Variants in TMEM117 observed in about 807,000 individuals in gnomAD.
TMEM117 encodes transmembrane protein 117.
TMEM117 carries 27 observed loss-of-function variants against 52.4 expected under a neutral mutation model. The ratio of observed to expected loss-of-function variants is 0.51; its 90% CI spans 0.38 to 0.71. The LOEUF is 0.71. Among genes scored for constraint, TMEM117 ranks in the 30% least tolerant of loss-of-function variants. The pLI is 0.00. For missense variants in TMEM117, 556 were observed against 630.5 expected (o/e 0.88, Z 1.26); for synonymous variants, 215 against 206.3 (o/e 1.04, Z -0.36).
chr12:44,052,719 C>A (rs754859965), intron 3 of TMEM117, among the ~76,000 whole-genome samples: 1 of 152,144 alleles, frequency 6.6e-6, no homozygotes, highest in Non-Finnish European at 1.5e-5. Flanking sequence ...GGAAATAGTC[C>A]CATGCCCTTT....
chr12:44,210,445 A>T (rs913502856), intron 4 of TMEM117, among the ~76,000 whole-genome samples: 1 of 152,276 alleles, frequency 6.6e-6, no homozygotes, highest in East Asian at 1.9e-4. Flanking sequence ...ATCTTTAAAA[A>T]CAGGCATTTA....
At chr12:44,364,899 T>A (rs1294811616) in intron 6 of TMEM117, among the ~76,000 whole-genome samples, 3 of 152,100 alleles carry the variant, frequency 2.0e-5, no homozygotes, top group Admixed American at 6.6e-5. Flanking sequence ...AAAAGCTGTG[T>A]CTTTTTAGCA....
Position 44,311,801 on chromosome 12 carries a change from ATATGTATATATGTATATATATGTAT to A in TMEM117, c.768+12063_768+12087del, listed in dbSNP as rs1950985069. 1.5e-4 allele frequency among the ~76,000 whole-genome samples: 3 copies of A among 19,382 alleles called. 1 individual carries two copies. Among genetic ancestry groups the A allele is most frequent in the Non-Finnish European group, 5.0e-4 (3 of 5,988 alleles). 12.7% of individuals were successfully genotyped at this position (19,382 alleles called of 152,430 possible). On this transcript the variant is annotated intron_variant, in intron 6 of 7. Coordinates refer to ENST00000266534, the MANE Select transcript of TMEM117 (RefSeq NM_032256.3). Reference sequence around the variant, plus strand: ...TGTGTATATATGTATATATATGTATATATGTATATATGTATATATATGTATATATGTATATATGTATATATATGTA... The same window carrying A: ...TGTGTATATATGTATATATATGTATAATATGTATATATGTATATATATGTA...
intron 2 of TMEM117, among the ~76,000 whole-genome samples, chr12:43,919,024 G>A (rs1944650700): frequency 6.6e-6 from 1 of 152,094 alleles, no homozygotes; most frequent in African/African-American, 2.4e-5. Flanking sequence ...CCACATAAGA[G>A]AGCTGCTTCC....
At chr12:44,132,355 A>T (rs1433728774) in intron 3 of TMEM117, among the ~76,000 whole-genome samples, 2 of 152,060 alleles carry the variant, frequency 1.3e-5, no homozygotes, top group African/African-American at 4.8e-5. Flanking sequence ...CATGTAGCAA[A>T]TATCCCATCT....
intron 3 of TMEM117, among the ~76,000 whole-genome samples, chr12:43,986,004 T>G (rs979067243): frequency 6.6e-6 from 1 of 152,192 alleles, no homozygotes; most frequent in Non-Finnish European, 1.5e-5. Context: ...TATTATTATT[T>G]TTTTGGTCAC....
At chr12:44,277,197 GTTTTT>G in intron 5 of TMEM117, among the ~76,000 whole-genome samples, 1 of 152,160 alleles carries the variant, frequency 6.6e-6, no homozygotes, top group South Asian at 2.1e-4. Context: ...GTGAATACAT[GTTTTT>G]GCTTAAGCCG....
chr12:43,818,259 G>C, the TMEM117 span, among the ~76,000 whole-genome samples: 1 of 152,116 alleles, frequency 6.6e-6, no homozygotes, highest in African/African-American at 2.4e-5. Context: ...TGTGAGAATA[G>C]AAAGTACATA....
In TMEM117 at chr12:44,221,360, T is replaced by A. The variant is rs572813484; in HGVS notation, c.608+9973T>A. Among the ~76,000 whole-genome samples the A allele has an allele frequency of 4.6e-5, 7 of 152,338 alleles. No individual in the cohort carries two copies. The East Asian group carries it at 1.4e-3, about 29-fold the overall frequency. The stretch of plus-strand genomic sequence containing the variant: ...AGAAGATTTTGTTGTTGCCTACTTA[T>A]GCATAAACCTCAAGGCTGTAGCAAC... On this transcript the variant is annotated intron_variant, in intron 5 of 7. Coordinates refer to ENST00000266534, the MANE Select transcript of TMEM117 (RefSeq NM_032256.3).
At chr12:43,797,064 C>T in the TMEM117 span, 2 of 1,606,932 alleles carry the variant, frequency 1.2e-6, no homozygotes, top group African/African-American at 2.7e-5. Context: ...CTCTCTTATA[C>T]TGCATGTGTA....
At position 43,948,423 on chromosome 12, in the gene TMEM117, A is replaced by G. The variant is rs1009269587; in HGVS notation, c.410+4081A>G. On this transcript the variant is annotated intron_variant, in intron 3 of 7. Transcript: ENST00000266534. Reference sequence around the variant, plus strand: ...TGGGTTCATGCCATTCTCCTGCCTCAGCCTCCTAAGTAGCTGGGACTACAG... The same window carrying G: ...TGGGTTCATGCCATTCTCCTGCCTCGGCCTCCTAAGTAGCTGGGACTACAG... Among the ~76,000 whole-genome samples the G allele has an allele frequency of 3.3e-5, 5 of 151,922 alleles. No individual in the cohort carries two copies. In the East Asian group the frequency reaches 7.8e-4, roughly 24 times the overall value.
At chr12:43,921,337 T>C (rs533665899) in intron 2 of TMEM117, among the ~76,000 whole-genome samples, 1 of 152,344 alleles carries the variant, frequency 6.6e-6, no homozygotes, top group South Asian at 2.1e-4. Flanking sequence ...TTGCTTGTTT[T>C]CCAGTGTTCA....
At chr12:44,155,489 T>TA (rs1242443439) in intron 4 of TMEM117, among the ~76,000 whole-genome samples, 1 of 152,140 alleles carries the variant, frequency 6.6e-6, no homozygotes, top group Admixed American at 6.6e-5. Context: ...GTTCAAATCT[T>TA]ACCAACCATG....
At chr12:44,264,629 G>A (rs1258051108) in intron 5 of TMEM117, among the ~76,000 whole-genome samples, 1 of 152,084 alleles carries the variant, frequency 6.6e-6, no homozygotes, top group African/African-American at 2.4e-5. Context: ...TATTTTGATA[G>A]TGTATGTATG....
intron 3 of TMEM117, among the ~76,000 whole-genome samples, chr12:44,116,657 C>T (rs1948149250): frequency 6.6e-6 from 1 of 152,212 alleles, no homozygotes; most frequent in Admixed American, 6.5e-5. Context: ...AATGTATCTC[C>T]TCTCTTCAAA....
At chr12:43,835,493 T>C (rs879911170), upstream of TMEM117, among the ~76,000 whole-genome samples, 2 of 152,130 alleles carry the variant, frequency 1.3e-5, no homozygotes, top group African/African-American at 2.4e-5. Context: ...TGTGTGTGTG[T>C]GTGTGATACC....
intron 2 of TMEM117, among the ~76,000 whole-genome samples, chr12:43,861,710 G>A (rs1015522236): frequency 4.6e-5 from 7 of 152,212 alleles, no homozygotes; most frequent in Admixed American, 1.3e-4. Flanking sequence ...TAGTAAAAGA[G>A]ACGTTATACA....
the TMEM117 span, among the ~76,000 whole-genome samples, chr12:43,828,470 G>T: frequency 2.6e-5 from 4 of 152,216 alleles, no homozygotes; most frequent in Middle Eastern, 3.2e-3. Flanking sequence ...AGGGGTAGGG[G>T]GTTGCTCCCC....
chr12:44,281,541 A>G (rs1466557048), intron 5 of TMEM117, among the ~76,000 whole-genome samples: 1 of 152,182 alleles, frequency 6.6e-6, no homozygotes, highest in Non-Finnish European at 1.5e-5. Context: ...TTAACCCAGT[A>G]TATAAATTCA....
Sources: gnomAD v4.1 joint callset for allele counts (sites outside exome capture counted in the v4.1 genomes callset) on GRCh38, gnomAD v4.1.1 for gene constraint, MANE v1.5 for transcripts, NCBI Gene and HGNC (gene_info 2026-07-23, HGNC 2026-07-21) for gene names.